Variants in ACAA2 observed in about 807,000 individuals in gnomAD.
ACAA2 encodes acetyl-CoA acyltransferase 2.
In ACAA2, 35 loss-of-function variants were observed where a neutral mutation model predicts 44.8. The ratio of observed to expected loss-of-function variants is 0.78; its 90% CI spans 0.60 to 1.04. ACAA2 has a LOEUF of 1.04. ACAA2 is among the 50% of genes least tolerant of loss of function. The pLI is 0.00. For synonymous variants in ACAA2, 142 were observed against 166.5 expected, an observed-to-expected ratio of 0.85 and a Z score of 1.13; for missense variants, 468 against 482.6, an observed-to-expected ratio of 0.97 and a Z score of 0.28.
At chr18:49,786,787 T>TTAAG (rs1425233500) in intron 8 of ACAA2, among the ~76,000 whole-genome samples, 1 of 152,128 alleles carries the variant, frequency 6.6e-6, no homozygotes, top group Non-Finnish European at 1.5e-5. Flanking sequence ...CTCAATAAAT[T>TTAAG]TAAGTTCCAG....
chr18:49,784,116 C>CA (rs75478873), intron 9 of ACAA2, among the ~76,000 whole-genome samples, 185 bp from the exon 10 acceptor site: 38,166 of 150,850 alleles, frequency 0.25, 4,978 homozygotes, highest in East Asian at 0.4. Flanking sequence ...AGTTTTTAAT[C>CA]AAAAAAAACA....
intron 1 of ACAA2, among the ~76,000 whole-genome samples, chr18:49,810,811 C>T (rs574263379): frequency 1.2e-4 from 18 of 151,676 alleles, no homozygotes; most frequent in Admixed American, 5.2e-4. Flanking sequence ...CACAGCCTCC[C>T]GAGTAGCTGG....
chr18:49,809,743 C>T (rs987130081), intron 1 of ACAA2, among the ~76,000 whole-genome samples: 28 of 152,170 alleles, frequency 1.8e-4, no homozygotes, highest in African/African-American at 6.3e-4. Context: ...AAGTGAATCA[C>T]AGATGATGTT....
At chr18:49,808,933 G>A (rs1188655156) in intron 1 of ACAA2, among the ~76,000 whole-genome samples, 1 of 152,096 alleles carries the variant, frequency 6.6e-6, no homozygotes, top group Non-Finnish European at 1.5e-5. Context: ...ACCCTAATAA[G>A]CCTGAGGGTA....
Position 49,785,205 on chromosome 18 carries a change from G to A in ACAA2, c.1101C>T (p.His367=), listed in dbSNP as rs756356351. The part of the protein sequence containing the change: ...SGSRITAHLV[H]ELRRRGGKYA... ...CTATTTCTAGCAAATACCTTAATTCGTGAACCAGGTGTGCAGTAATTCTTG... is the reference window on the plus strand; with the variant it reads ...CTATTTCTAGCAAATACCTTAATTCATGAACCAGGTGTGCAGTAATTCTTG... The change falls in exon 9 of 10, where the codon CAC becomes CAT. Residue 367 remains histidine (H), a synonymous_variant. Coordinates refer to ENST00000285093, the MANE Select transcript of ACAA2 (RefSeq NM_006111.3). 1.5e-5 allele frequency: 24 copies of A among 1,608,442 alleles called. No individual in the cohort carries two copies. The highest frequency in any genetic ancestry group is 1.9e-5 in the Non-Finnish European group (22 of 1,178,602).
chr18:49,795,755 TG>T lies in ACAA2; in HGVS notation c.429+9del. 1 of 1,519,236 alleles carries T rather than the reference TG, an allele frequency of 6.6e-7. No individual in the cohort carries two copies. The highest frequency in any genetic ancestry group is 8.9e-7 in the Non-Finnish European group (1 of 1,119,364). 94.1% of individuals were successfully genotyped at this position (1,519,236 alleles called of 1,614,324 possible). On this transcript the variant is annotated intron_variant, in intron 4 of 9. Transcript: ENST00000285093. ...AAGAACTAATTCTTTTAAATTTTTA[TG>T]GTTCCAACCTTGATATCTGATCCAA...
At chr18:49,809,269 A>T (rs1417499200) in intron 1 of ACAA2, among the ~76,000 whole-genome samples, 2 of 152,200 alleles carry the variant, frequency 1.3e-5, no homozygotes, top group East Asian at 3.9e-4. Context: ...TTTTACAATC[A>T]ATTTGTACAG....
chr18:49,787,431 TCTC>T (rs756349396), intron 7 of ACAA2, 70 bp from the exon 8 acceptor site: 3 of 1,113,120 alleles, frequency 2.7e-6, no homozygotes, highest in South Asian at 2.2e-5. Flanking sequence ...GTATCAAGCT[TCTC>T]CTTCTTTCCA....
chr18:49,813,247 T>C (rs2023692058), intron 1 of ACAA2, among the ~76,000 whole-genome samples: 1 of 152,222 alleles, frequency 6.6e-6, no homozygotes, highest in Non-Finnish European at 1.5e-5. Flanking sequence ...AACAGGAAAT[T>C]GCACCGAAAT....
chr18:49,794,475 A>C, intron 4 of ACAA2, 48 bp from the exon 5 acceptor site: 1 of 1,394,096 alleles, frequency 7.2e-7, no homozygotes, highest in Non-Finnish European at 9.4e-7. Context: ...TTTCCTTTTA[A>C]AAGTAATATG....
intron 1 of ACAA2, chr18:49,813,170 G>C (rs2143989367): frequency 3.0e-6 from 1 of 330,572 alleles, no homozygotes; most frequent in Non-Finnish European, 5.5e-6. Flanking sequence ...GAACTAGTGG[G>C]GTCACTGTTA....
chr18:49,787,260 T>TAA (rs35932656), intron 8 of ACAA2, 31 bp downstream of exon 8: 13,480 of 1,013,506 alleles, frequency 0.013, 196 homozygotes, highest in South Asian at 0.032. Flanking sequence ...TTCATGTTGT[T>TAA]AAAAAAAAAA....
intron 4 of ACAA2, 148 bp from the exon 5 acceptor site, chr18:49,794,575 TA>T (rs2023443459): frequency 1.6e-6 from 1 of 631,244 alleles, no homozygotes; most frequent in East Asian, 3.3e-5. Flanking sequence ...AGTTATGGGA[TA>T]TTTTTTAAAA....
intron 7 of ACAA2, among the ~76,000 whole-genome samples, chr18:49,789,871 C>G (rs992068484): frequency 1.3e-5 from 2 of 152,022 alleles, no homozygotes; most frequent in Admixed American, 1.3e-4. Context: ...GTAATCCCAG[C>G]TACTGGGAAG....
At position 49,802,865 on chromosome 18, in the gene ACAA2, A is replaced by G; in HGVS notation, c.17-12T>C. On this transcript the variant is annotated splice_polypyrimidine_tract_variant and intron_variant, in intron 1 of 9. Transcript: ENST00000285093. ...AACTACAAACACACCTATTGCAACA[A>G]GAAGAGATTTGTAAGCCATCACAGG... 1 of 1,613,918 alleles carries G rather than the reference A, an allele frequency of 6.2e-7. No homozygotes were observed. The highest frequency in any genetic ancestry group is 8.5e-7 in the Non-Finnish European group (1 of 1,179,858).
chr18:49,785,575 C>T, intron 8 of ACAA2: 1 of 527,880 alleles, frequency 1.9e-6, no homozygotes, highest in Non-Finnish European at 3.3e-6. Flanking sequence ...AGAGGCAATT[C>T]TCAGTAATCC....
chr18:49,812,849 T>G (rs2023686251), intron 1 of ACAA2: 1 of 152,216 alleles, frequency 6.6e-6, no homozygotes, highest in Admixed American at 6.5e-5. Flanking sequence ...TCGTACATCC[T>G]TAAAGTAAGA....
At chr18:49,795,449 T>C (rs1019945148) in intron 4 of ACAA2, among the ~76,000 whole-genome samples, 1 of 152,164 alleles carries the variant, frequency 6.6e-6, no homozygotes, top group East Asian at 1.9e-4. Flanking sequence ...ATTCACTCTT[T>C]TGTCTATCTT....
At chr18:49,806,874 G>C (rs2023615135) in intron 1 of ACAA2, among the ~76,000 whole-genome samples, 1 of 150,756 alleles carries the variant, frequency 6.6e-6, no homozygotes, top group Non-Finnish European at 1.5e-5. Flanking sequence ...CAGCAAAATA[G>C]AAATGAAAGG....
Sources: allele counts gnomAD v4.1 joint callset (sites outside exome capture counted in the v4.1 genomes callset), GRCh38; gene constraint gnomAD v4.1.1; transcripts MANE v1.5; gene names NCBI Gene and HGNC (gene_info 2026-07-23, HGNC 2026-07-21).